Variants in EXOC4 observed in about 807,000 individuals in gnomAD.
EXOC4 encodes the protein exocyst complex component 4.
In EXOC4, 71 loss-of-function variants were observed where a neutral mutation model predicts 107.2. The observed-to-expected ratio is 0.66, with a 90% CI of 0.55 to 0.81. The LOEUF is 0.81. EXOC4 is among the 30% of genes least tolerant of loss of function. EXOC4 has a pLI of 0.00. For synonymous variants in EXOC4, 456 were observed against 441.2 expected (o/e 1.03, Z -0.42); for missense variants, 1,108 against 1,189.6 (o/e 0.93, Z 1.01).
chr7:133,419,569 G>C (rs1797555218), intron 7 of EXOC4, among the ~76,000 whole-genome samples: 1 of 152,078 alleles, frequency 6.6e-6, no homozygotes, highest in South Asian at 2.1e-4. Context: ...GTATTTATTT[G>C]AGTATTGTTC....
chr7:133,433,341 G>C (rs1274748113), intron 7 of EXOC4, among the ~76,000 whole-genome samples: 1 of 152,162 alleles, frequency 6.6e-6, no homozygotes, highest in Non-Finnish European at 1.5e-5. Context: ...ATAACCAATG[G>C]AATGTTAGCA....
At chr7:133,875,055 G>A (rs1381524392) in intron 11 of EXOC4, among the ~76,000 whole-genome samples, 2 of 152,220 alleles carry the variant, frequency 1.3e-5, no homozygotes, top group African/African-American at 4.8e-5. Flanking sequence ...GGTGTGGAAT[G>A]CGAATCTGAG....
chr7:133,676,211 T>G (rs1794054439), intron 10 of EXOC4, among the ~76,000 whole-genome samples: 1 of 152,090 alleles, frequency 6.6e-6, no homozygotes, highest in African/African-American at 2.4e-5. Context: ...ATATCTTCCT[T>G]GTACTCTATG....
chr7:133,370,416 G>A (rs1295753256), intron 6 of EXOC4, among the ~76,000 whole-genome samples: 2 of 151,938 alleles, frequency 1.3e-5, no homozygotes, highest in Non-Finnish European at 2.9e-5. Context: ...AGCGAGGAGG[G>A]GCTTCTGGGT....
intron 9 of EXOC4, among the ~76,000 whole-genome samples, chr7:133,497,133 G>A (rs1380618069): frequency 6.6e-6 from 1 of 152,086 alleles, no homozygotes; most frequent in African/African-American, 2.4e-5. Flanking sequence ...AATGAGCTAG[G>A]AGCAGGTCCC....
Position 133,687,084 on chromosome 7 carries a change from G to A in EXOC4, c.1514+56943G>A, listed in dbSNP as rs557953492. On this transcript the variant is annotated intron_variant, in intron 10 of 17. Transcript: ENST00000253861. ...ATACTACTCAGCCATAAAAAGGAAC[G>A]AATTAATGGCATTTGCAGCAACCTT... 4.8e-3 allele frequency among the ~76,000 whole-genome samples: 732 copies of A among 151,262 alleles called. 3 individuals carry two copies. The highest frequency in any genetic ancestry group is 0.017 in the Middle Eastern group (5 of 292).
At position 133,955,025 on chromosome 7, in the gene EXOC4, C is replaced by T. The variant is rs61141671; in HGVS notation, c.2206+16956C>T. 4.2e-3 allele frequency among the ~76,000 whole-genome samples: 646 copies of T among 152,352 alleles called. 6 individuals are homozygous for T. Among genetic ancestry groups the T allele is most frequent in the African/African-American group, 0.015 (622 of 41,594 alleles). ...TGTCACAGCCCTGGCTCGGGGAGCTCCTACATCTGGGCTTCCCAAGGGGCC... is the reference window on the plus strand; with the variant it reads ...TGTCACAGCCCTGGCTCGGGGAGCTTCTACATCTGGGCTTCCCAAGGGGCC... On this transcript the variant is annotated intron_variant, in intron 14 of 17. Coordinates refer to ENST00000253861, the MANE Select transcript of EXOC4 (RefSeq NM_021807.4).
At chr7:133,732,052 C>T (rs1244035808) in intron 10 of EXOC4, among the ~76,000 whole-genome samples, 1 of 152,118 alleles carries the variant, frequency 6.6e-6, no homozygotes, top group African/African-American at 2.4e-5. Flanking sequence ...TAATGCCCAT[C>T]AGTGATAGAC....
intron 11 of EXOC4, among the ~76,000 whole-genome samples, chr7:133,847,891 T>A: frequency 7.0e-6 from 1 of 141,866 alleles, no homozygotes; most frequent in Admixed American, 7.0e-5. Context: ...TTTTTTTTTT[T>A]TTTTTTTTTT....
intron 5 of EXOC4, among the ~76,000 whole-genome samples, chr7:133,349,881 A>G (rs958767719): frequency 2.0e-5 from 3 of 151,948 alleles, no homozygotes; most frequent in African/African-American, 7.3e-5. Flanking sequence ...AGCCATCCCA[A>G]TGAGTGTAGG....
Position 133,933,863 on chromosome 7 carries a change from C to A in EXOC4, c.2028-4028C>A, listed in dbSNP as rs561241209. ...GTTCTCTCATATGTGGTGAGACGTT[C>A]CGTTTTTCTCTTCACTAAAACGTGA... On this transcript the variant is annotated intron_variant, in intron 13 of 17. Transcript: ENST00000253861. Among the ~76,000 whole-genome samples the A allele has an allele frequency of 2.0e-5, 3 of 152,308 alleles. No individual in the cohort carries two copies. In the East Asian group the frequency reaches 5.8e-4, roughly 29 times the overall value.
intron 11 of EXOC4, among the ~76,000 whole-genome samples, chr7:133,833,449 T>C (rs1391185817): frequency 6.6e-6 from 1 of 152,222 alleles, no homozygotes; most frequent in African/African-American, 2.4e-5. Flanking sequence ...AAATGAAATC[T>C]TCCTTTGTCA....
chr7:133,974,143 G>A (rs968442891), intron 14 of EXOC4, among the ~76,000 whole-genome samples: 9 of 152,132 alleles, frequency 5.9e-5, no homozygotes, highest in African/African-American at 2.2e-4. Flanking sequence ...TTAAACCATA[G>A]CAGACTATAC....
In EXOC4 at chr7:133,475,427, T is replaced by C. The variant is rs1394012263; in HGVS notation, c.1282T>C (p.Phe428Leu). Residue 428 changes from phenylalanine to leucine, a missense_variant, in exon 8 of 18, where the codon TTT (phenylalanine) becomes CTT (leucine). Transcript: ENST00000253861. Reference sequence around the variant, plus strand: ...CAGCACTGGACGAGAGTTTGCAGCCTTTTTTGCCAAGAAGAAACCTCAAAG... The same window carrying C: ...CAGCACTGGACGAGAGTTTGCAGCCCTTTTTGCCAAGAAGAAACCTCAAAG... ...YASTGREFAA[F>L]FAKKKPQRPK... 1.2e-6 allele frequency: 2 copies of C among 1,613,676 alleles called. No homozygotes were observed. Among genetic ancestry groups the C allele is most frequent in the Admixed American group, 1.7e-5 (1 of 60,002 alleles).
At chr7:133,287,197 G>A (rs1242950370) in intron 2 of EXOC4, among the ~76,000 whole-genome samples, 1 of 151,914 alleles carries the variant, frequency 6.6e-6, no homozygotes, top group Non-Finnish European at 1.5e-5. Flanking sequence ...AATTTCTTTG[G>A]TATTACCTTG....
intron 7 of EXOC4, among the ~76,000 whole-genome samples, chr7:133,473,939 A>T (rs954248195): frequency 7.2e-5 from 11 of 151,974 alleles, no homozygotes; most frequent in African/African-American, 2.2e-4. Flanking sequence ...TGACCTCGTG[A>T]TCTGCCTGCC....
chr7:133,737,471 C>A (rs1795468159), intron 10 of EXOC4, among the ~76,000 whole-genome samples: 1 of 151,398 alleles, frequency 6.6e-6, no homozygotes, highest in Admixed American at 6.6e-5. Flanking sequence ...TTTTTTCTGA[C>A]CCCCTTAGGC....
At chr7:133,954,503 G>C (rs1359445806) in intron 14 of EXOC4, among the ~76,000 whole-genome samples, 3 of 152,132 alleles carry the variant, frequency 2.0e-5, no homozygotes, top group African/African-American at 7.2e-5. Context: ...ATTAGTACCA[G>C]TATATATAAA....
chr7:133,971,401 G>GAGAGAGAGAGAGAGAGAGAGAGAA (rs1296299775), intron 14 of EXOC4, among the ~76,000 whole-genome samples: 1 of 110,718 alleles, frequency 9.0e-6, no homozygotes, highest in African/African-American at 3.3e-5. Flanking sequence ...GAGAGAGAGA[G>GAGAGAGAGAGAGAGAGAGAGAGAA]AAAGAGAGAG....
Sources: gnomAD v4.1 joint callset for allele counts (sites outside exome capture counted in the v4.1 genomes callset) on GRCh38, gnomAD v4.1.1 for gene constraint, MANE v1.5 for transcripts, NCBI Gene and HGNC (gene_info 2026-07-23, HGNC 2026-07-21) for gene names.